The following ST13 variants were observed in gnomAD, a reference collection of about 807,000 sequenced individuals.
ST13 encodes ST13 Hsp70 interacting protein, also known as hsc70-interacting protein.
A neutral mutation model predicts 56.7 loss-of-function variants in ST13; 23 were observed. The observed-to-expected ratio is 0.41, with a 90% CI of 0.29 to 0.57. The LOEUF is 0.57. Ranked by LOEUF, ST13 falls within the 20% of genes least tolerant of loss-of-function variation. The probability of loss-of-function intolerance (pLI) is 0.36; values close to 1 mark genes in which losing one functional copy is unlikely to be tolerated. For synonymous variants in ST13, 132 were observed against 142.4 expected, an observed-to-expected ratio of 0.93 and a Z score of 0.52; for missense variants, 369 against 459.9, an observed-to-expected ratio of 0.80 and a Z score of 1.81.
At position 40,826,199 on chromosome 22, in the gene ST13, C is replaced by T. The variant is rs2057727274; in HGVS notation, c.*339G>A. On this transcript the variant is annotated 3_prime_UTR_variant, in exon 12 of 12. Coordinates refer to ENST00000216218, the MANE Select transcript of ST13 (RefSeq NM_003932.5). ...TAATCTTCCATACATAAGTATATTC[C>T]CTGCCAATAATTCAAAGAAAAAAAT... 1 of 171,576 alleles carries T rather than the reference C, an allele frequency of 5.8e-6. No homozygotes were observed. The highest frequency in any genetic ancestry group is 2.4e-5 in the African/African-American group (1 of 41,916). 10.6% of individuals were successfully genotyped at this position (171,576 alleles called of 1,614,324 possible).
chr22:40,847,076 G>A (rs1193779003), intron 3 of ST13, among the ~76,000 whole-genome samples: 1 of 152,098 alleles, frequency 6.6e-6, no homozygotes, highest in Non-Finnish European at 1.5e-5. Context: ...CAGGTTCTGT[G>A]ATATAAGAGA....
At chr22:40,849,103 T>C (rs1031623038) in intron 2 of ST13, among the ~76,000 whole-genome samples, 3 of 152,194 alleles carry the variant, frequency 2.0e-5, no homozygotes, top group Non-Finnish European at 4.4e-5. Context: ...GTAAATTATA[T>C]ACCATTATCA....
At chr22:40,842,467 T>G in intron 4 of ST13, among the ~76,000 whole-genome samples, 1 of 152,164 alleles carries the variant, frequency 6.6e-6, no homozygotes, top group East Asian at 1.9e-4. Flanking sequence ...CCAAGTAGAC[T>G]TCAAAAAGAT....
At chr22:40,851,335 T>C (rs745487974) in intron 1 of ST13, among the ~76,000 whole-genome samples, 11 of 152,232 alleles carry the variant, frequency 7.2e-5, no homozygotes, top group Non-Finnish European at 1.5e-4. Flanking sequence ...TTCAAAATGT[T>C]TGTGTCCTGT....
intron 10 of ST13, among the ~76,000 whole-genome samples, chr22:40,828,442 A>G (rs1219162821): frequency 1.0e-5 from 1 of 98,764 alleles, no homozygotes; most frequent in Non-Finnish European, 1.9e-5. Context: ...GTCTCTACTA[A>G]AAATACAAAA....
chr22:40,850,779 T>A (rs2057857279), intron 2 of ST13, 44 bp downstream of exon 2: 1 of 1,451,052 alleles, frequency 6.9e-7, no homozygotes, highest in African/African-American at 1.4e-5. Context: ...TAAGAAATCT[T>A]ATAGTACTTT....
intron 3 of ST13, 128 bp downstream of exon 3, chr22:40,848,166 G>C: frequency 1.6e-6 from 1 of 636,338 alleles, no homozygotes; most frequent in Non-Finnish European, 2.8e-6. Context: ...GTGACTACTA[G>C]AACATTCTAA....
At chr22:40,851,820 A>C (rs942397139) in intron 1 of ST13, among the ~76,000 whole-genome samples, 1 of 150,346 alleles carries the variant, frequency 6.7e-6, no homozygotes, top group Non-Finnish European at 1.5e-5. Flanking sequence ...ATCTTGGCTC[A>C]CTGCAACCTC....
intron 2 of ST13, among the ~76,000 whole-genome samples, chr22:40,849,479 C>CAA (rs57060131): frequency 3.0e-3 from 164 of 54,480 alleles, no homozygotes; most frequent in East Asian, 7.6e-3. Flanking sequence ...GACTCTGTCT[C>CAA]AAAAAAAAAA....
intron 5 of ST13, among the ~76,000 whole-genome samples, chr22:40,839,038 A>G (rs1214266846): frequency 1.3e-5 from 2 of 152,182 alleles, no homozygotes; most frequent in Non-Finnish European, 2.9e-5. Context: ...TATATATGCA[A>G]AAGTTAATCA....
At position 40,826,647 on chromosome 22, in the gene ST13, G is replaced by T. The variant is rs1025861127; in HGVS notation, c.1001C>A (p.Ala334Asp). The T allele has an allele frequency of 1.2e-6, 2 of 1,609,476 alleles. No individual in the cohort carries two copies. Among genetic ancestry groups the T allele is most frequent in the Admixed American group, 3.3e-5 (2 of 59,990 alleles). Reference protein sequence around the residue: ...AAMQDPEVMVAFQDVAQNPAN... With the variant: ...AAMQDPEVMVDFQDVAQNPAN... ...TGGGTTCTGAGCCACATCCTGGAAA[G>T]CCACCATAACTTCTGGATCCTGAAA... The change falls in exon 12 of 12, where the codon GCT becomes GAT. Residue 334 changes from alanine to aspartate, a missense_variant. Around this residue, in one of 3 missense-constraint regions of ST13, gnomAD observed 136 missense variants for 159.2 expected, o/e 0.85. Coordinates refer to ENST00000216218, the MANE Select transcript of ST13 (RefSeq NM_003932.5).
At chr22:40,851,748 CTT>C (rs768642763) in intron 1 of ST13, among the ~76,000 whole-genome samples, 23 of 141,520 alleles carry the variant, frequency 1.6e-4, no homozygotes, top group African/African-American at 1.8e-4. Context: ...AGAAAGGGTT[CTT>C]TTTTTTTTTT....
At chr22:40,851,301 A>G (rs1371917472) in intron 1 of ST13, among the ~76,000 whole-genome samples, 1 of 152,228 alleles carries the variant, frequency 6.6e-6, no homozygotes, top group Non-Finnish European at 1.5e-5. Context: ...CAGTTTATGA[A>G]GTAACTATAC....
At chr22:40,855,881 G>A (rs1281742143) in intron 1 of ST13, among the ~76,000 whole-genome samples, 3 of 144,150 alleles carry the variant, frequency 2.1e-5, no homozygotes, top group Non-Finnish European at 4.4e-5. Flanking sequence ...CCAAGTAACG[G>A]AGGTATAATA....
intron 7 of ST13, among the ~76,000 whole-genome samples, chr22:40,834,262 G>T (rs1008234475): frequency 6.6e-6 from 1 of 152,178 alleles, no homozygotes; most frequent in African/African-American, 2.4e-5. Context: ...TCCAGCCTGG[G>T]CAACAGAGTG....
At chr22:40,833,426 G>A (rs929144593) in intron 7 of ST13, among the ~76,000 whole-genome samples, 6 of 151,790 alleles carry the variant, frequency 4.0e-5, no homozygotes, top group South Asian at 2.1e-4. Flanking sequence ...AAAACCAGGC[G>A]CGGTGGCAGG....
intron 9 of ST13, among the ~76,000 whole-genome samples, chr22:40,830,045 A>T (rs1386334158): frequency 6.6e-6 from 1 of 152,202 alleles, no homozygotes; most frequent in African/African-American, 2.4e-5. Context: ...CTTTTCCGTT[A>T]TTCTCCCTAC....
chr22:40,850,730 G>T (rs1284181731), intron 2 of ST13, 93 bp downstream of exon 2: 1 of 900,250 alleles, frequency 1.1e-6, no homozygotes, highest in Non-Finnish European at 1.8e-6. Context: ...GGGGAAATCA[G>T]GAGTGATAAC....
intron 10 of ST13, among the ~76,000 whole-genome samples, chr22:40,828,423 T>C (rs11703776): frequency 9.5e-5 from 14 of 147,280 alleles, no homozygotes; most frequent in Middle Eastern, 3.5e-3. Context: ...GCTAACACGG[T>C]GAAACCCCGT....
Sources: allele counts gnomAD v4.1 joint callset (sites outside exome capture counted in the v4.1 genomes callset), GRCh38; gene constraint gnomAD v4.1.1; regional missense constraint gnomAD v4.1.1; transcripts MANE v1.5; gene names NCBI Gene and HGNC (gene_info 2026-07-23, HGNC 2026-07-21).